SPAG16: variants seen among roughly 807,000 people sequenced by gnomAD.
SPAG16 encodes sperm-associated antigen 16 protein.
SPAG16 carries 86 observed loss-of-function variants against 80.4 expected under a neutral mutation model. That is an observed-to-expected ratio of 1.07 (90% CI 0.90 to 1.28). SPAG16 has a LOEUF of 1.28. Among genes scored for constraint, SPAG16 ranks in the 50% most tolerant of loss-of-function variants. The pLI is 0.00. For missense variants in SPAG16, 870 were observed against 765.3 expected (o/e 1.14, Z -1.61); for synonymous variants, 294 against 265.9 (o/e 1.11, Z -1.03).
rs1410626944 is a variant in SPAG16 at position 214,283,001 on chromosome 2, T to C, written c.1721-127139T>C. Among the ~76,000 whole-genome samples the C allele has an allele frequency of 2.6e-5, 4 of 152,144 alleles. No individual in the cohort carries two copies. In the East Asian group the frequency reaches 7.7e-4, roughly 29 times the overall value. On this transcript the variant is annotated intron_variant, in intron 15 of 15. Transcript: ENST00000331683. ...ATTGACAGGAGCCTCCACCTAACTC[T>C]GATACTGACTCAGCATGAGATATAT...
At chr2:213,429,106 A>AG (rs201239344) in intron 9 of SPAG16, among the ~76,000 whole-genome samples, 18 of 146,344 alleles carry the variant, frequency 1.2e-4, no homozygotes, top group Admixed American at 1.2e-3. Flanking sequence ...AAAAAAAAAA[A>AG]GAGTAAGGAG....
chr2:213,870,843 A>G (rs2075917199), intron 11 of SPAG16, among the ~76,000 whole-genome samples: 1 of 152,174 alleles, frequency 6.6e-6, no homozygotes, highest in South Asian at 2.1e-4. Context: ...AAAAACCCAT[A>G]GGAATGCTAT....
chr2:213,304,653 G>A (rs1423319997), intron 3 of SPAG16, among the ~76,000 whole-genome samples: 2 of 152,078 alleles, frequency 1.3e-5, no homozygotes, highest in Non-Finnish European at 2.9e-5. Context: ...CCTAATGTAT[G>A]TTCTTGATAC....
intron 10 of SPAG16, among the ~76,000 whole-genome samples, chr2:213,616,697 A>G (rs528849388): frequency 6.6e-6 from 1 of 152,304 alleles, no homozygotes; most frequent in East Asian, 1.9e-4. Flanking sequence ...TGTTTTCATA[A>G]AGATTCCTGG....
At chr2:213,717,348 G>C (rs952196621) in intron 10 of SPAG16, among the ~76,000 whole-genome samples, 4 of 151,882 alleles carry the variant, frequency 2.6e-5, no homozygotes, top group African/African-American at 9.7e-5. Flanking sequence ...TTTTAGTAGA[G>C]ACAGGGTTTC....
intron 15 of SPAG16, among the ~76,000 whole-genome samples, chr2:214,246,256 TC>T (rs1689840303): frequency 1.4e-5 from 1 of 72,326 alleles, no homozygotes; most frequent in Admixed American, 1.7e-4. Flanking sequence ...ATTGTTTTTC[TC>T]TTAGTGGCTA....
chr2:213,624,552 T>C (rs1333282687), intron 10 of SPAG16, among the ~76,000 whole-genome samples: 1 of 152,162 alleles, frequency 6.6e-6, no homozygotes, highest in African/African-American at 2.4e-5. Context: ...TGAATTACAA[T>C]GATAAAAACT....
chr2:213,889,576 G>A (rs1303392705), intron 11 of SPAG16, among the ~76,000 whole-genome samples: 1 of 150,556 alleles, frequency 6.6e-6, no homozygotes, highest in East Asian at 1.9e-4. Flanking sequence ...CTGCACCCAG[G>A]TGAAATAAAC....
intron 11 of SPAG16, among the ~76,000 whole-genome samples, chr2:213,927,864 T>C (rs1306415400): frequency 6.6e-6 from 1 of 152,210 alleles, no homozygotes; most frequent in Non-Finnish European, 1.5e-5. Context: ...GAAAGATAGA[T>C]TTGAGAAAGA....
chr2:214,259,674 G>T lies in SPAG16; in HGVS notation c.1720+110408G>T, dbSNP rs550052399. Among the ~76,000 whole-genome samples the T allele has an allele frequency of 2.6e-5, 4 of 151,408 alleles. No homozygotes were observed. In the South Asian group the frequency reaches 8.4e-4, roughly 32 times the overall value. On this transcript the variant is annotated intron_variant, in intron 15 of 15. Coordinates refer to ENST00000331683, the MANE Select transcript of SPAG16 (RefSeq NM_024532.5). ...TTGGTGTTTATTTTGTTTTGTTTTC[G>T]TCTCCGGTTCCTTTGTGTAGCTTTG...
intron 9 of SPAG16, among the ~76,000 whole-genome samples, chr2:213,375,718 T>C (rs1403901731): frequency 1.3e-5 from 2 of 151,994 alleles, no homozygotes; most frequent in Non-Finnish European, 2.9e-5. Context: ...GCTCAGGTAA[T>C]GGATTTTCTT....
At chr2:213,537,440 G>A (rs1241872966) in intron 10 of SPAG16, among the ~76,000 whole-genome samples, 1 of 151,544 alleles carries the variant, frequency 6.6e-6, no homozygotes, top group Non-Finnish European at 1.5e-5. Context: ...TTCATACATT[G>A]TTGTGTTATT....
intron 11 of SPAG16, among the ~76,000 whole-genome samples, chr2:213,906,599 A>G (rs2077445082): frequency 6.6e-6 from 1 of 152,190 alleles, no homozygotes; most frequent in Admixed American, 6.5e-5. Flanking sequence ...GCATCATACT[A>G]CCTGACTGCA....
At chr2:214,293,738 G>A (rs1693953286) in intron 15 of SPAG16, among the ~76,000 whole-genome samples, 1 of 152,116 alleles carries the variant, frequency 6.6e-6, no homozygotes, top group African/African-American at 2.4e-5. Flanking sequence ...ATTTCTCCTT[G>A]GGACATGTGA....
intron 12 of SPAG16, among the ~76,000 whole-genome samples, chr2:213,973,199 T>A (rs543977389): frequency 1.3e-5 from 2 of 152,302 alleles, no homozygotes; most frequent in South Asian, 2.1e-4. Context: ...GGTTTCCAAA[T>A]TCCCCAGTAT....
chr2:213,665,836 A>C (rs1055792203), intron 10 of SPAG16, among the ~76,000 whole-genome samples: 1 of 152,142 alleles, frequency 6.6e-6, no homozygotes, highest in Admixed American at 6.6e-5. Flanking sequence ...GCTTAGGAAC[A>C]CTAGCTAGAC....
intron 15 of SPAG16, among the ~76,000 whole-genome samples, chr2:214,259,454 C>T (rs560432823): frequency 1.2e-4 from 17 of 142,626 alleles, no homozygotes; most frequent in East Asian, 4.2e-4. Context: ...GAAATAAATG[C>T]GTACACACAC....
chr2:214,303,542 G>A (rs980004084), intron 15 of SPAG16, among the ~76,000 whole-genome samples: 61 of 152,100 alleles, frequency 4.0e-4, no homozygotes, highest in African/African-American at 1.4e-3. Context: ...CTTTCTAGCT[G>A]CTTTTAAGAT....
At chr2:214,003,651 A>AG (rs2046897344) in intron 12 of SPAG16, among the ~76,000 whole-genome samples, 1 of 152,218 alleles carries the variant, frequency 6.6e-6, no homozygotes, top group Non-Finnish European at 1.5e-5. Context: ...TATTGTTTTG[A>AG]GGGGAAATAC....
Sources: gnomAD v4.1 joint callset for allele counts (sites outside exome capture counted in the v4.1 genomes callset) on GRCh38, gnomAD v4.1.1 for gene constraint, MANE v1.5 for transcripts, NCBI Gene and HGNC (gene_info 2026-07-23, HGNC 2026-07-21) for gene names.